The following ARCN1 variants were observed in gnomAD, a reference collection of about 807,000 sequenced individuals.
ARCN1 encodes coatomer subunit delta.
In ARCN1, 5 loss-of-function variants were observed where a neutral mutation model predicts 60.4. That is an observed-to-expected ratio of 0.08 (90% confidence interval 0.04 to 0.17). The LOEUF is 0.17. ARCN1 is among the 10% of genes least tolerant of loss of function. ARCN1 has a pLI of 1.00. For missense variants in ARCN1, 464 were observed against 626.5 expected (o/e 0.74, Z 2.77); for synonymous variants, 224 against 220.0 (o/e 1.02, Z -0.16).
At position 118,584,697 on chromosome 11, in the gene ARCN1, T is replaced by A. The variant is rs930212467; in HGVS notation, c.818+53T>A. ...AAGCTTTGAATACAGTCCACATAAT[T>A]TTTTAAAAATCTTATTTCAGTGTGC... On this transcript the variant is annotated intron_variant, in intron 5 of 9. Coordinates refer to ENST00000264028, the MANE Select transcript of ARCN1 (RefSeq NM_001655.5). 4.9e-6 allele frequency: 7 copies of A among 1,436,638 alleles called. No individual in the cohort carries two copies. The East Asian group carries it at 1.7e-4, about 35-fold the overall frequency. The allele number at this position is 1,436,638 out of a possible 1,614,324, so 89.0% of individuals were successfully genotyped here. A position where few individuals can be genotyped will look rare whatever the true frequency, so the allele number is the denominator to read the frequency against.
rs1184685837 is a variant in ARCN1 at position 118,602,509 on chromosome 11, CAA to C, written c.*1797_*1798del. On this transcript the variant is annotated 3_prime_UTR_variant, in exon 10 of 10. Coordinates refer to ENST00000264028, the MANE Select transcript of ARCN1 (RefSeq NM_001655.5). Reference sequence around the variant, plus strand: ...CACTCTGAACATCTGGCCGTCCCTGCAAAGAGTGTACTGTGCTTGAAGCAGAG... The same window carrying C: ...CACTCTGAACATCTGGCCGTCCCTGCAGAGTGTACTGTGCTTGAAGCAGAG... 1 of 153,812 alleles carries C rather than the reference CAA, an allele frequency of 6.5e-6. No homozygotes were observed. Among genetic ancestry groups the C allele is most frequent in the Non-Finnish European group, 1.5e-5 (1 of 68,058 alleles). 9.5% of individuals were successfully genotyped at this position (153,812 alleles called of 1,614,324 possible). A position where few individuals can be genotyped will look rare whatever the true frequency, so the allele number is the denominator to read the frequency against.
intron 1 of ARCN1, among the ~76,000 whole-genome samples, chr11:118,574,384 C>T (rs886499217): frequency 2.6e-5 from 4 of 151,842 alleles, no homozygotes; most frequent in Non-Finnish European, 4.4e-5. Context: ...TCAAAATTTC[C>T]AGCGTTTATT....
intron 1 of ARCN1, chr11:118,573,112 G>A (rs138340925): frequency 1.9e-4 from 31 of 159,774 alleles, no homozygotes; most frequent in Non-Finnish European, 3.5e-4. Context: ...TAACACTAAT[G>A]TATAGGACCC....
chr11:118,589,409 C>T (rs1345776834), intron 5 of ARCN1, among the ~76,000 whole-genome samples: 1 of 151,914 alleles, frequency 6.6e-6, no homozygotes, highest in Admixed American at 6.6e-5. Context: ...ACTATTCATT[C>T]GGGTGGATAT....
chr11:118,576,441 A>AAC (rs1555073650), intron 1 of ARCN1, among the ~76,000 whole-genome samples: 2 of 148,574 alleles, frequency 1.3e-5, no homozygotes, highest in Non-Finnish European at 3.0e-5. Flanking sequence ...AAAAAAAAAA[A>AAC]AAAAAAAACC....
intron 1 of ARCN1, among the ~76,000 whole-genome samples, chr11:118,575,776 A>T (rs1385291670): frequency 6.6e-6 from 1 of 152,100 alleles, no homozygotes; most frequent in Non-Finnish European, 1.5e-5. Context: ...ACTTTTTTTG[A>T]GAGAGAGTTG....
At chr11:118,599,326 C>T (rs1299526521) in intron 9 of ARCN1, among the ~76,000 whole-genome samples, 3 of 151,812 alleles carry the variant, frequency 2.0e-5, no homozygotes, top group African/African-American at 2.4e-5. Context: ...CTCTTGACCT[C>T]GTGATCCAGC....
rs919408163 is a variant in ARCN1, at chr11:118,601,301, A to G, written c.*587A>G. 30 of 392,842 alleles carry G rather than the reference A, an allele frequency of 7.6e-5. No individual in the cohort carries two copies. The highest frequency in any genetic ancestry group is 5.6e-4 in the African/African-American group (26 of 46,810). The allele number at this position is 392,842 out of a possible 1,614,324, so 24.3% of individuals were successfully genotyped here. A position where few individuals can be genotyped will look rare whatever the true frequency, so the allele number is the denominator to read the frequency against. On this transcript the variant is annotated 3_prime_UTR_variant, in exon 10 of 10. Transcript: ENST00000264028. ...GGTCGCGAACTCCTGAGCTCAGGCAATCCGCCCACCTCAGCCTCCCAAAGT... is the reference window on the plus strand; with the variant it reads ...GGTCGCGAACTCCTGAGCTCAGGCAGTCCGCCCACCTCAGCCTCCCAAAGT...
At chr11:118,593,175 T>C (rs1423573413) in intron 7 of ARCN1, among the ~76,000 whole-genome samples, 2 of 151,998 alleles carry the variant, frequency 1.3e-5, no homozygotes, top group African/African-American at 4.8e-5. Context: ...GCCATCCTCC[T>C]GCCTCAGCCT....
At position 118,602,547 on chromosome 11, in the gene ARCN1, T is replaced by C. The variant is rs1939171119; in HGVS notation, c.*1833T>C. 1 of 153,786 alleles carries C rather than the reference T, an allele frequency of 6.5e-6. No homozygotes were observed. Among genetic ancestry groups the C allele is most frequent in the South Asian group, 2.1e-4 (1 of 4,836 alleles). The allele number at this position is 153,786 out of a possible 1,614,324, so 9.5% of individuals were successfully genotyped here. A position where few individuals can be genotyped will look rare whatever the true frequency, so the allele number is the denominator to read the frequency against. On this transcript the variant is annotated 3_prime_UTR_variant, in exon 10 of 10. Coordinates refer to ENST00000264028, the MANE Select transcript of ARCN1 (RefSeq NM_001655.5). The stretch of plus-strand genomic sequence containing the variant: ...GTGCTTGAAGCAGAGCACTCACACA[T>C]AAATGGCTGTGTGTGGAATTGCTTG...
Position 118,593,611 on chromosome 11 carries a change from G to A in ARCN1, c.1154G>A (p.Ser385Asn). 6.2e-7 allele frequency: 1 copy of A among 1,613,274 alleles called. No homozygotes were observed. The highest frequency in any genetic ancestry group is 2.2e-5 in the East Asian group (1 of 44,862). ...TCAGTTAATTGCTGGCCCTCGGAGA[G>A]TGGAAATGGCTGTGATGTCAACATA... Reference protein sequence around the residue: ...PLTINCWPSESGNGCDVNIEY... With the variant: ...PLTINCWPSENGNGCDVNIEY... The change falls in exon 8 of 10, where the codon AGT becomes AAT. Residue 385 changes from serine to asparagine, a missense_variant. Physicochemically the swap from Ser to Asn is conservative, Grantham distance 46. This residue lies in a region of ARCN1 where 359 missense variants were observed against 440.2 expected (regional missense o/e 0.82). Transcript: ENST00000264028.
chr11:118,573,614 C>A, intron 1 of ARCN1: 2 of 694,938 alleles, frequency 2.9e-6, no homozygotes, highest in South Asian at 3.0e-5. Context: ...ATTCTTTTGT[C>A]AATAGATAAC....
chr11:118,582,783 G>A (rs889141579), intron 2 of ARCN1, among the ~76,000 whole-genome samples: 5 of 150,860 alleles, frequency 3.3e-5, no homozygotes, highest in Non-Finnish European at 5.9e-5. Flanking sequence ...GCTCACGCCT[G>A]TAATCCCAGC....
intron 2 of ARCN1, among the ~76,000 whole-genome samples, chr11:118,582,918 G>A (rs1938693005): frequency 6.6e-6 from 1 of 151,522 alleles, no homozygotes; most frequent in Non-Finnish European, 1.5e-5. Flanking sequence ...GTACACACCT[G>A]TAGTCCCAGC....
At chr11:118,575,552 A>G (rs1565357296) in intron 1 of ARCN1, among the ~76,000 whole-genome samples, 1 of 152,112 alleles carries the variant, frequency 6.6e-6, no homozygotes, top group African/African-American at 2.4e-5. Flanking sequence ...TTTTATTGTA[A>G]TCTTCTCTCT....
Position 118,581,937 on chromosome 11 carries a change from G to GACACACACACACAC in ARCN1, c.267+445_267+458dup, listed in dbSNP as rs34532442. Among the ~76,000 whole-genome samples the GACACACACACACAC allele has an allele frequency of 2.5e-3, 346 of 140,794 alleles. 2 individuals carry two copies. The highest frequency in any genetic ancestry group is 8.4e-3 in the African/African-American group (324 of 38,632). 92.4% of individuals were successfully genotyped at this position (140,794 alleles called of 152,430 possible). A position where few individuals can be genotyped will look rare whatever the true frequency, so the allele number is the denominator to read the frequency against. On this transcript the variant is annotated intron_variant, in intron 2 of 9. Coordinates refer to ENST00000264028, the MANE Select transcript of ARCN1 (RefSeq NM_001655.5). ...TGATCCAGAGACAGACAGACAGACA[G>GACACACACACACAC]ACACACACACACACACACACACACA...
intron 1 of ARCN1, 122 bp downstream of exon 1, chr11:118,572,672 C>T (rs1199919716): frequency 2.3e-6 from 3 of 1,326,478 alleles, no homozygotes; most frequent in East Asian, 5.2e-5. Context: ...AGTGCTTTTG[C>T]TCCGGGCTCG....
At chr11:118,585,257 T>C (rs1276070929) in intron 5 of ARCN1, among the ~76,000 whole-genome samples, 1 of 152,134 alleles carries the variant, frequency 6.6e-6, no homozygotes, top group African/African-American at 2.4e-5. Flanking sequence ...TTGCTGCACC[T>C]GACCTTTTCC....
Position 118,601,868 on chromosome 11 carries a change from G to A in ARCN1, c.*1154G>A, listed in dbSNP as rs1478623002. ...GGATTTCACATCCACATGTAATCATGTCTGCTGCTGTTGCTACCCAAATTT... is the reference window on the plus strand; with the variant it reads ...GGATTTCACATCCACATGTAATCATATCTGCTGCTGTTGCTACCCAAATTT... On this transcript the variant is annotated 3_prime_UTR_variant, in exon 10 of 10. Transcript: ENST00000264028. The A allele has an allele frequency of 1.7e-6, 1 of 603,312 alleles. No homozygotes were observed. 37.4% of individuals were successfully genotyped at this position (603,312 alleles called of 1,614,324 possible). A position where few individuals can be genotyped will look rare whatever the true frequency, so the allele number is the denominator to read the frequency against.
Sources: gnomAD v4.1 joint callset for allele counts (sites outside exome capture counted in the v4.1 genomes callset) on GRCh38, gnomAD v4.1.1 for gene constraint, gnomAD v4.1.1 regional missense constraint, MANE v1.5 for transcripts, NCBI Gene and HGNC (gene_info 2026-07-23, HGNC 2026-07-21) for gene names.